The following XPO6 variants were observed in gnomAD, a reference collection of about 807,000 sequenced individuals.
The protein encoded by XPO6 is exportin-6.
A neutral mutation model predicts 130.0 loss-of-function variants in XPO6; 3 were observed. The observed-to-expected ratio is 0.02, with a 90% confidence interval of 0.01 to 0.06. The LOEUF is 0.06. XPO6 is among the 10% of genes least tolerant of loss of function. XPO6 has a pLI of 1.00. For missense variants in XPO6, 970 were observed against 1,393.0 expected (o/e 0.70, Z 4.83); for synonymous variants, 524 against 548.9 (o/e 0.95, Z 0.63).
chr16:28,163,617 C>A (rs944669857), intron 6 of XPO6, among the ~76,000 whole-genome samples: 7 of 152,178 alleles, frequency 4.6e-5, no homozygotes, highest in African/African-American at 1.7e-4. Flanking sequence ...ATGTCCACAT[C>A]TTCCCTCATT....
intron 8 of XPO6, among the ~76,000 whole-genome samples, chr16:28,146,545 GA>G (rs1292590311): frequency 6.6e-6 from 1 of 152,192 alleles, no homozygotes; most frequent in East Asian, 1.9e-4. Context: ...GAGAGAAATC[GA>G]GATTCAGAGA....
chr16:28,179,020 T>C (rs978872271), intron 2 of XPO6: 7 of 151,428 alleles, frequency 4.6e-5, no homozygotes, highest in East Asian at 1.9e-4. Flanking sequence ...TGAGCCAAGA[T>C]TGCGCCACTG....
chr16:28,113,474 T>C (rs1478480974), intron 15 of XPO6, among the ~76,000 whole-genome samples: 1 of 152,236 alleles, frequency 6.6e-6, no homozygotes, highest in Non-Finnish European at 1.5e-5. Flanking sequence ...CAGTCTCTCC[T>C]ACTGCTTTCC....
chr16:28,176,887 G>T (rs181183470), intron 3 of XPO6, among the ~76,000 whole-genome samples: 1 of 152,002 alleles, frequency 6.6e-6, no homozygotes, highest in East Asian at 1.9e-4. Flanking sequence ...TTGTTGTTGG[G>T]GATGATGGTA....
intron 5 of XPO6, chr16:28,166,826 C>T (rs1484209156): frequency 3.0e-6 from 3 of 985,258 alleles, no homozygotes; most frequent in Non-Finnish European, 3.6e-6. Flanking sequence ...CAGCACTGCT[C>T]TTTGCCAGAG....
At chr16:28,196,543 A>ATGTGTTGCC (rs2043866927) in intron 1 of XPO6, among the ~76,000 whole-genome samples, 1 of 152,172 alleles carries the variant, frequency 6.6e-6, no homozygotes, top group South Asian at 2.1e-4. Context: ...CATACTTTAA[A>ATGTGTTGCC]ATGGTGACGT....
rs369766569 is a variant in XPO6, at chr16:28,117,382, G to A, written c.1940C>T (p.Thr647Met). The change falls in exon 15 of 24, where the codon ACG becomes ATG. Residue 647 changes from threonine (T) to methionine (M), a missense_variant. Around this residue, in one of 4 missense-constraint regions of XPO6, gnomAD observed 936 missense variants for 1,306.8 expected, o/e 0.72. Coordinates refer to ENST00000304658, the MANE Select transcript of XPO6 (RefSeq NM_015171.4). The part of the protein sequence containing the change: ...QYCSEVHRQN[T>M]QQFVTLISTT... ...AGAGATGAGTGTCACGAACTGCTGC[G>A]TGTTCTGCCGGTGAACTTCACTGCA... 9.9e-6 allele frequency: 16 copies of A among 1,614,204 alleles called. No homozygotes were observed. Among genetic ancestry groups the A allele is most frequent in the South Asian group, 5.5e-5 (5 of 91,088 alleles).
rs942557887 is a variant in XPO6, at chr16:28,123,384, A to C, written c.1767-1622T>G. Reference sequence around the variant, plus strand: ...CAGCCTCCCAAAGTGCTGGGATTACAGGTGAGCCACCACGCCTGGAGTTGA... The same window carrying C: ...CAGCCTCCCAAAGTGCTGGGATTACCGGTGAGCCACCACGCCTGGAGTTGA... On this transcript the variant is annotated intron_variant, in intron 13 of 23. Coordinates refer to ENST00000304658, the MANE Select transcript of XPO6 (RefSeq NM_015171.4). 7.3e-5 allele frequency among the ~76,000 whole-genome samples: 11 copies of C among 151,156 alleles called. 1 individual carries two copies. Among genetic ancestry groups the C allele is most frequent in the Non-Finnish European group, 1.5e-5 (1 of 68,032 alleles).
intron 9 of XPO6, among the ~76,000 whole-genome samples, chr16:28,141,304 T>A (rs1445912242): frequency 6.6e-6 from 1 of 152,176 alleles, no homozygotes; most frequent in African/African-American, 2.4e-5. Context: ...CTTCACACAC[T>A]CAGGTTTCTT....
chr16:28,128,023 C>T (rs569756869), intron 12 of XPO6, among the ~76,000 whole-genome samples: 3 of 152,268 alleles, frequency 2.0e-5, no homozygotes, highest in East Asian at 1.9e-4. Flanking sequence ...GACGAACTCA[C>T]GGAACCAATG....
Position 28,098,500 on chromosome 16 carries a change from G to T in XPO6, c.*38C>A. The T allele has an allele frequency of 6.4e-7, 1 of 1,563,244 alleles. No homozygotes were observed. Among genetic ancestry groups the T allele is most frequent in the Non-Finnish European group, 8.8e-7 (1 of 1,142,424 alleles). ...GTGGAAGGTAGGGCTGGCGCAGGTG[G>T]CAGCAGCAGAAGTCCGTGTCCCCAG... On this transcript the variant is annotated 3_prime_UTR_variant, in exon 24 of 24. Coordinates refer to ENST00000304658, the MANE Select transcript of XPO6 (RefSeq NM_015171.4).
chr16:28,148,459 T>G (rs1274209234), intron 8 of XPO6, among the ~76,000 whole-genome samples: 1 of 152,182 alleles, frequency 6.6e-6, no homozygotes, highest in Non-Finnish European at 1.5e-5. Flanking sequence ...TTTCAAAACC[T>G]TCACAGACCC....
chr16:28,103,456 G>A (rs2086696909), intron 21 of XPO6, among the ~76,000 whole-genome samples: 1 of 152,204 alleles, frequency 6.6e-6, no homozygotes, highest in Admixed American at 6.5e-5. Context: ...TCAGTGTACA[G>A]GTTGTGTGAA....
chr16:28,108,657 C>T (rs1443806438), intron 17 of XPO6, among the ~76,000 whole-genome samples: 1 of 152,152 alleles, frequency 6.6e-6, no homozygotes, highest in Non-Finnish European at 1.5e-5. Flanking sequence ...CAGACTCAAC[C>T]CTGGCGACCA....
intron 14 of XPO6, 107 bp from the exon 15 acceptor site, chr16:28,117,569 C>T: frequency 7.5e-7 from 1 of 1,327,674 alleles, no homozygotes; most frequent in South Asian, 1.4e-5. Flanking sequence ...ATTTGCTGTT[C>T]TAAGACATGG....
intron 17 of XPO6, among the ~76,000 whole-genome samples, chr16:28,110,226 A>G (rs954849121): frequency 2.0e-5 from 3 of 152,220 alleles, no homozygotes; most frequent in Non-Finnish European, 4.4e-5. Flanking sequence ...AGCATACTGA[A>G]GACGTCATTC....
intron 1 of XPO6, among the ~76,000 whole-genome samples, chr16:28,189,227 C>T (rs1242986686): frequency 2.1e-5 from 3 of 144,288 alleles, no homozygotes; most frequent in Non-Finnish European, 4.5e-5. Flanking sequence ...ATTAGAGGCA[C>T]GAGCCACCGC....
chr16:28,105,928 A>C, intron 20 of XPO6, 115 bp downstream of exon 20: 1 of 1,464,824 alleles, frequency 6.8e-7, no homozygotes, highest in East Asian at 2.3e-5. Context: ...ACTACTTTAC[A>C]AGCATATTAA....
chr16:28,137,474 G>A (rs1054321277), intron 9 of XPO6, among the ~76,000 whole-genome samples: 1 of 152,126 alleles, frequency 6.6e-6, no homozygotes, highest in African/African-American at 2.4e-5. Flanking sequence ...ATCTAATACA[G>A]TTGAGTACTG....
Sources: allele counts gnomAD v4.1 joint callset (sites outside exome capture counted in the v4.1 genomes callset), GRCh38; gene constraint gnomAD v4.1.1; regional missense constraint gnomAD v4.1.1; transcripts MANE v1.5; gene names NCBI Gene and HGNC (gene_info 2026-07-23, HGNC 2026-07-21).